Variants in CDYL2 observed in about 807,000 individuals in gnomAD.
The protein encoded by CDYL2 is chromodomain Y-like protein 2.
A neutral mutation model predicts 49.4 loss-of-function variants in CDYL2; 23 were observed. The ratio of observed to expected loss-of-function variants is 0.47; its 90% CI spans 0.34 to 0.66. The LOEUF (loss-of-function observed/expected upper bound fraction) is 0.66. Ranked by LOEUF, CDYL2 falls within the 30% of genes least tolerant of loss-of-function variation. CDYL2 has a pLI of 0.01. For missense variants in CDYL2, 678 were observed against 656.4 expected, an observed-to-expected ratio of 1.03 and a Z score of -0.36; for synonymous variants, 360 against 268.8, an observed-to-expected ratio of 1.34 and a Z score of -3.32.
chr16:80,789,329 G>C (rs1907535733), intron 1 of CDYL2, among the ~76,000 whole-genome samples: 1 of 152,178 alleles, frequency 6.6e-6, no homozygotes, highest in Non-Finnish European at 1.5e-5. Flanking sequence ...GGGGCCAGGT[G>C]CGGTGGCTCA....
At chr16:80,786,683 A>G (rs1255116697) in intron 1 of CDYL2, among the ~76,000 whole-genome samples, 6 of 152,180 alleles carry the variant, frequency 3.9e-5, no homozygotes, top group African/African-American at 9.7e-5. Context: ...ATGTCCATCA[A>G]TGATAGACTG....
intron 6 of CDYL2, among the ~76,000 whole-genome samples, chr16:80,606,536 A>G (rs1057299898): frequency 2.6e-5 from 4 of 151,904 alleles, no homozygotes; most frequent in African/African-American, 9.7e-5. Flanking sequence ...CTCCCTGTGG[A>G]TTTCCTGTCT....
chr16:80,610,122 G>T (rs1906528404), intron 5 of CDYL2, among the ~76,000 whole-genome samples: 1 of 152,122 alleles, frequency 6.6e-6, no homozygotes, highest in South Asian at 2.1e-4. Flanking sequence ...GAACAAGGGG[G>T]AATATCAAGG....
chr16:80,760,582 C>T lies in CDYL2; in HGVS notation c.24+43568G>A, dbSNP rs538047185. On this transcript the variant is annotated intron_variant, in intron 1 of 6. Coordinates refer to ENST00000570137, the MANE Select transcript of CDYL2 (RefSeq NM_152342.4). Reference sequence around the variant, plus strand: ...TACACATTGCATGCCTGCATCAAAACATCTCGTATACCCCATAAATATATG... The same window carrying T: ...TACACATTGCATGCCTGCATCAAAATATCTCGTATACCCCATAAATATATG... Among the ~76,000 whole-genome samples the T allele has an allele frequency of 2.7e-4, 41 of 152,234 alleles. No individual in the cohort carries two copies. In the South Asian group the frequency reaches 7.5e-3, roughly 28 times the overall value.
At chr16:80,644,627 T>A (rs1050995423) in intron 2 of CDYL2, among the ~76,000 whole-genome samples, 1 of 152,164 alleles carries the variant, frequency 6.6e-6, no homozygotes, top group East Asian at 1.9e-4. Flanking sequence ...ATGAGGAAGA[T>A]GCAAAGGCGG....
chr16:80,617,646 C>G (rs911031956), intron 4 of CDYL2, among the ~76,000 whole-genome samples: 1 of 152,116 alleles, frequency 6.6e-6, no homozygotes, highest in Non-Finnish European at 1.5e-5. Context: ...GATGGGCGAG[C>G]CACAGTCTCT....
At chr16:80,624,719 G>C (rs1330699516) in intron 3 of CDYL2, among the ~76,000 whole-genome samples, 2 of 152,070 alleles carry the variant, frequency 1.3e-5, no homozygotes, top group African/African-American at 4.8e-5. Context: ...GAGGAAAACA[G>C]ACATGAACAA....
intron 2 of CDYL2, among the ~76,000 whole-genome samples, chr16:80,647,210 G>A (rs1169152365): frequency 6.6e-6 from 1 of 152,042 alleles, no homozygotes; most frequent in Non-Finnish European, 1.5e-5. Context: ...AATTGAAGAG[G>A]ATGCCAAAAA....
Position 80,772,470 on chromosome 16 carries a change from G to T in CDYL2, c.24+31680C>A, listed in dbSNP as rs550544516. Among the ~76,000 whole-genome samples, 17 of 152,028 alleles carry T rather than the reference G, an allele frequency of 1.1e-4. No homozygotes were observed. In the South Asian group the frequency reaches 3.3e-3, roughly 30 times the overall value. On this transcript the variant is annotated intron_variant, in intron 1 of 6. Transcript: ENST00000570137. The stretch of plus-strand genomic sequence containing the variant: ...CAAATTGCAATTTTTTTATTTTTTG[G>T]GAGACGGAGTCTCCCTCTGTAGACC...
At position 80,729,939 on chromosome 16, in the gene CDYL2, C is replaced by T. The variant is rs1037342432; in HGVS notation, c.25-44810G>A. Reference sequence around the variant, plus strand: ...ACACAACATACCAGAATCTCTGGGACGCATTCAAAGCAGTGGGTAGAGGGA... The same window carrying T: ...ACACAACATACCAGAATCTCTGGGATGCATTCAAAGCAGTGGGTAGAGGGA... On this transcript the variant is annotated intron_variant, in intron 1 of 6. Transcript: ENST00000570137. 9.9e-5 allele frequency among the ~76,000 whole-genome samples: 15 copies of T among 152,024 alleles called. No individual in the cohort carries two copies. The South Asian group carries it at 1.0e-3, about 11-fold the overall frequency.
intron 2 of CDYL2, chr16:80,670,924 C>T (rs1438716122): frequency 6.6e-6 from 3 of 456,030 alleles, no homozygotes; most frequent in South Asian, 1.5e-5. Context: ...AGGGGCTTGC[C>T]TCACCAGCTG....
intron 1 of CDYL2, among the ~76,000 whole-genome samples, chr16:80,795,344 A>G (rs1907739007): frequency 6.6e-6 from 1 of 152,182 alleles, no homozygotes; most frequent in African/African-American, 2.4e-5. Context: ...GAATGACTGG[A>G]GTCAAGTGGG....
chr16:80,688,927 C>CAAACAAAAACAAACAAA (rs1910304748), intron 1 of CDYL2, among the ~76,000 whole-genome samples: 1 of 152,178 alleles, frequency 6.6e-6, no homozygotes, highest in Non-Finnish European at 1.5e-5. Context: ...AAACAAAAAA[C>CAAACAAAAACAAACAAA]AGAGAGCTGG....
At chr16:80,619,117 T>C (rs1186320343) in intron 4 of CDYL2, among the ~76,000 whole-genome samples, 1 of 152,134 alleles carries the variant, frequency 6.6e-6, no homozygotes, top group African/African-American at 2.4e-5. Flanking sequence ...TGAGGCTGCA[T>C]GACTCTACGC....
intron 2 of CDYL2, among the ~76,000 whole-genome samples, chr16:80,668,019 T>G (rs545005412): frequency 5.9e-5 from 9 of 152,314 alleles, no homozygotes; most frequent in African/African-American, 2.2e-4. Context: ...CACCCACATT[T>G]AGAAACTAAA....
intron 2 of CDYL2, among the ~76,000 whole-genome samples, chr16:80,646,413 G>T (rs1175884697): frequency 6.6e-6 from 1 of 152,134 alleles, no homozygotes; most frequent in Non-Finnish European, 1.5e-5. Context: ...CAAAATGGCA[G>T]GAGAAAGTCT....
At chr16:80,758,507 T>C (rs1248122468) in intron 1 of CDYL2, among the ~76,000 whole-genome samples, 2 of 150,978 alleles carry the variant, frequency 1.3e-5, no homozygotes. Flanking sequence ...CATACAAGTG[T>C]GTAAACACAT....
intron 1 of CDYL2, chr16:80,741,995 C>A (rs1905753227): frequency 6.6e-6 from 1 of 152,214 alleles, no homozygotes; most frequent in African/African-American, 2.4e-5. Flanking sequence ...GTTATGGGAA[C>A]CATGTGCACT....
intron 1 of CDYL2, among the ~76,000 whole-genome samples, chr16:80,727,265 C>T (rs557905699): frequency 2.6e-5 from 4 of 152,326 alleles, no homozygotes; most frequent in South Asian, 2.1e-4. Flanking sequence ...CAAAGCAGGG[C>T]GAGGCATTGC....
Sources: gnomAD v4.1 joint callset for allele counts (sites outside exome capture counted in the v4.1 genomes callset) on GRCh38, gnomAD v4.1.1 for gene constraint, MANE v1.5 for transcripts, NCBI Gene and HGNC (gene_info 2026-07-23, HGNC 2026-07-21) for gene names.